ANXA2: variants seen among roughly 807,000 people sequenced by gnomAD.
ANXA2 encodes the protein annexin II.
A neutral mutation model predicts 47.3 loss-of-function variants in ANXA2; 28 were observed. That is an observed-to-expected ratio of 0.59 (90% CI 0.44 to 0.81). The LOEUF is 0.81. Among genes scored for constraint, ANXA2 ranks in the 40% least tolerant of loss-of-function variants. The pLI is 0.00. For synonymous variants in ANXA2, 172 were observed against 155.5 expected (o/e 1.11, Z -0.79); for missense variants, 384 against 414.3 (o/e 0.93, Z 0.64).
chr15:60,351,280 T>G, intron 10 of ANXA2, 29 bp from the exon 11 acceptor site: 1 of 1,611,212 alleles, frequency 6.2e-7, no homozygotes, highest in Middle Eastern at 1.7e-4. Context: ...GAGTCAGCGC[T>G]GCAGCTGCTC....
intron 2 of ANXA2, chr15:60,385,801 A>G: frequency 2.0e-6 from 1 of 494,172 alleles, no homozygotes. Flanking sequence ...AGTGTCACTA[A>G]TTCTGTCCAA....
Position 60,351,736 on chromosome 15 carries a change from A to C in ANXA2, c.766T>G (p.Phe256Val). 2 of 1,611,858 alleles carry C rather than the reference A, an allele frequency of 1.2e-6. No individual in the cohort carries two copies. Among genetic ancestry groups the C allele is most frequent in the Non-Finnish European group, 1.7e-6 (2 of 1,177,962 alleles). The change falls in exon 10 of 13, where the codon TTC becomes GTC. Residue 256 changes from phenylalanine to valine, a missense_variant. Phe to Val is a conservative substitution (Grantham distance 50, BLOSUM62 -1). Coordinates refer to ENST00000451270, the MANE Select transcript of ANXA2 (RefSeq NM_004039.3). The part of the protein sequence containing the change: ...KEVKGDLENA[F>V]LNLVQCIQNK... ...CACATTCACTTACCCAGGTTCAGGA[A>C]AGCATTTTCCAGGTCTCCTTTAACC...
At chr15:60,350,358 G>GTGTTGGCATGTTCCCTC (rs1895954134) in intron 11 of ANXA2, among the ~76,000 whole-genome samples, 12 of 152,072 alleles carry the variant, frequency 7.9e-5, no homozygotes, top group Admixed American at 5.9e-4. Flanking sequence ...GTCTCCATAT[G>GTGTTGGCATGTTCCCTC]TAACAAGAGG....
chr15:60,353,609 GAGGTTCCTCCCTTCCAA>G (rs1369199369), intron 8 of ANXA2, among the ~76,000 whole-genome samples: 1 of 152,162 alleles, frequency 6.6e-6, no homozygotes, highest in Non-Finnish European at 1.5e-5. Flanking sequence ...GAAATTCTTT[GAGGTTCCTCCCTTCCAA>G]AGGAAGAGCC....
chr15:60,359,787 G>A (rs1024350912), intron 5 of ANXA2, among the ~76,000 whole-genome samples: 1 of 152,044 alleles, frequency 6.6e-6, no homozygotes, highest in Non-Finnish European at 1.5e-5. Context: ...AAACAGACTC[G>A]GAATAAAAAA....
At chr15:60,379,808 C>A in intron 3 of ANXA2, among the ~76,000 whole-genome samples, 1 of 152,182 alleles carries the variant, frequency 6.6e-6, no homozygotes, top group East Asian at 1.9e-4. Flanking sequence ...TAAATCTTAG[C>A]CCTCCAGACG....
At chr15:60,357,300 G>A (rs1322138503) in intron 5 of ANXA2, 64 bp from the exon 6 acceptor site, 2 of 1,356,514 alleles carry the variant, frequency 1.5e-6, no homozygotes, top group Non-Finnish European at 2.1e-6. Flanking sequence ...CTACTTCTCT[G>A]ATCTCCATCA....
intron 3 of ANXA2, among the ~76,000 whole-genome samples, chr15:60,377,951 G>A (rs1400249423): frequency 3.3e-5 from 5 of 152,062 alleles, no homozygotes; most frequent in Non-Finnish European, 7.4e-5. Flanking sequence ...AGCCAGGTGT[G>A]GTGGTGCATG....
Position 60,347,343 on chromosome 15 carries a change from C to G in ANXA2, c.*287G>C, listed in dbSNP as rs941320843. 8.8e-6 allele frequency: 4 copies of G among 452,512 alleles called. No homozygotes were observed. Among genetic ancestry groups the G allele is most frequent in the African/African-American group, 7.9e-5 (4 of 50,718 alleles). The allele number at this position is 452,512 out of a possible 1,614,324, so 28.0% of individuals were successfully genotyped here. On this transcript the variant is annotated 3_prime_UTR_variant, in exon 13 of 13. Coordinates refer to ENST00000451270, the MANE Select transcript of ANXA2 (RefSeq NM_004039.3). ...CCACAAAGTACGTGTTTCTAAAGTA[C>G]AAATTCAGTTTATTCATCTGTTTAT...
intron 1 of ANXA2, 32 bp downstream of exon 1, chr15:60,397,911 C>T: frequency 7.5e-7 from 1 of 1,340,302 alleles, no homozygotes; most frequent in East Asian, 3.0e-5. Flanking sequence ...GCTGGCGGCC[C>T]ATCGCGGGCG....
chr15:60,397,420 G>C, intron 1 of ANXA2: 3 of 653,948 alleles, frequency 4.6e-6, no homozygotes, highest in Non-Finnish European at 5.7e-6. Context: ...CCCCCCTCTC[G>C]TCTTCCCCCG....
intron 8 of ANXA2, 87 bp downstream of exon 8, chr15:60,354,067 A>G (rs1170695130): frequency 1.1e-5 from 12 of 1,059,428 alleles, no homozygotes; most frequent in Non-Finnish European, 1.5e-5. Context: ...TTTGGGAGTC[A>G]TTTGTCACAC....
chr15:60,385,890 TAAGA>T, intron 2 of ANXA2, 134 bp downstream of exon 2: 1 of 479,612 alleles, frequency 2.1e-6, no homozygotes, highest in Non-Finnish European at 3.5e-6. Flanking sequence ...GCTGAAGTAT[TAAGA>T]AAGAGGAGAA....
At chr15:60,351,272 G>C (rs1400579346) in intron 10 of ANXA2, 21 bp from the exon 11 acceptor site, 1 of 1,613,626 alleles carries the variant, frequency 6.2e-7, no homozygotes, top group Non-Finnish European at 8.5e-7. Context: ...AAGAAAGGGA[G>C]TCAGCGCTGC....
At chr15:60,373,271 C>T (rs767268164) in intron 3 of ANXA2, among the ~76,000 whole-genome samples, 91 of 152,134 alleles carry the variant, frequency 6.0e-4, no homozygotes, top group Non-Finnish European at 1.1e-3. Context: ...AATGCATGGC[C>T]ACTAAAGGGA....
intron 2 of ANXA2, chr15:60,385,795 T>C (rs1442472802): frequency 2.2e-6 from 1 of 457,822 alleles, no homozygotes; most frequent in Non-Finnish European, 3.9e-6. Flanking sequence ...CATTCCAGTG[T>C]CACTAATTCT....
Position 60,354,210 on chromosome 15 carries a change from T to C in ANXA2, c.532A>G (p.Arg178Gly), listed in dbSNP as rs141297352. ...RKLMVALAKG[R>G]RAEDGSVIDY... Reference sequence around the variant, plus strand: ...ATGACAGAGCCATCCTCTGCTCTTCTACCCTATGGGGGAAAGAAAAAGAAC... The same window carrying C: ...ATGACAGAGCCATCCTCTGCTCTTCCACCCTATGGGGGAAAGAAAAAGAAC... Residue 178 changes from arginine (R) to glycine (G), a missense_variant, in exon 8 of 13, where the codon AGA (arginine) becomes GGA (glycine). Arg to Gly is a moderately radical substitution (Grantham distance 125). Transcript: ENST00000451270. 669 of 1,612,158 alleles carry C rather than the reference T, an allele frequency of 4.1e-4. 5 individuals carry two copies. The highest frequency in any genetic ancestry group is 3.5e-3 in the Admixed American group (207 of 59,574).
intron 1 of ANXA2, among the ~76,000 whole-genome samples, chr15:60,387,289 T>G (rs1297979262): frequency 6.6e-6 from 1 of 152,212 alleles, no homozygotes; most frequent in Non-Finnish European, 1.5e-5. Flanking sequence ...ACAGAAGCTT[T>G]TTATGCACAG....
intron 4 of ANXA2, 127 bp downstream of exon 4, chr15:60,364,302 T>A: frequency 1.3e-6 from 1 of 742,814 alleles, no homozygotes; most frequent in Non-Finnish European, 2.3e-6. Context: ...AAGAAGAAAA[T>A]CTTAGATATC....
Sources: gnomAD v4.1 joint callset for allele counts (sites outside exome capture counted in the v4.1 genomes callset) on GRCh38, gnomAD v4.1.1 for gene constraint, MANE v1.5 for transcripts, NCBI Gene and HGNC (gene_info 2026-07-23, HGNC 2026-07-21) for gene names.